EML6: variants seen among roughly 807,000 people sequenced by gnomAD.
The protein encoded by EML6 is echinoderm microtubule-associated protein-like 6.
EML6 carries 154 observed loss-of-function variants against 240.1 expected under a neutral mutation model. The ratio of observed to expected loss-of-function variants is 0.64; its 90% CI spans 0.56 to 0.73. The LOEUF (loss-of-function observed/expected upper bound fraction) is 0.73, where lower values mean the gene tolerates loss of function less well. EML6 is among the 30% of genes least tolerant of loss of function. EML6 has a pLI of 0.00. For missense variants in EML6, 2,964 were observed against 2,474.6 expected, an observed-to-expected ratio of 1.20 and a Z score of -4.20; for synonymous variants, 1,148 against 899.0, an observed-to-expected ratio of 1.28 and a Z score of -4.95.
intron 7 of EML6, among the ~76,000 whole-genome samples, 172 bp from the exon 8 acceptor site, chr2:54,843,875 G>A (rs1669602119): frequency 6.7e-6 from 1 of 149,522 alleles, no homozygotes; most frequent in Admixed American, 6.7e-5. Flanking sequence ...CACAAAGAAT[G>A]GTGGCAGAGT....
At chr2:54,969,817 C>A (rs890389348) in intron 41 of EML6, among the ~76,000 whole-genome samples, 5 of 152,120 alleles carry the variant, frequency 3.3e-5, no homozygotes, top group African/African-American at 1.2e-4. Flanking sequence ...CAGAAGTCCT[C>A]ACGGACCAAC....
rs184695026 is a variant in EML6, at chr2:54,802,331, A to G, written c.198-10901A>G. Among the ~76,000 whole-genome samples, 213 of 152,264 alleles carry G rather than the reference A, an allele frequency of 1.4e-3. 2 individuals carry two copies. Among genetic ancestry groups the G allele is most frequent in the African/African-American group, 5.1e-3 (211 of 41,556 alleles). On this transcript the variant is annotated intron_variant, in intron 2 of 41. Coordinates refer to ENST00000356458, the MANE Select transcript of EML6 (RefSeq NM_001039753.4). ...AGAGTTTGAATTTTTTTAACTTGGT[A>G]ATAATTTTAGTAGGCAGGGTGCAGT...
At chr2:54,865,207 G>C (rs1440098161) in intron 13 of EML6, among the ~76,000 whole-genome samples, 2 of 151,886 alleles carry the variant, frequency 1.3e-5, no homozygotes, top group East Asian at 3.9e-4. Context: ...AATGAAAAGG[G>C]ACCAGGCACA....
At chr2:54,794,972 C>T (rs985119569) in intron 2 of EML6, among the ~76,000 whole-genome samples, 1 of 152,274 alleles carries the variant, frequency 6.6e-6, no homozygotes, top group Non-Finnish European at 1.5e-5. Context: ...CACACTAGGT[C>T]CCACCGACCC....
At position 54,948,794 on chromosome 2, in the gene EML6, C is replaced by T. The variant is rs563814823; in HGVS notation, c.4005-88C>T. On this transcript the variant is annotated intron_variant, in intron 28 of 41. Coordinates refer to ENST00000356458, the MANE Select transcript of EML6 (RefSeq NM_001039753.4). ...TTTGAGGCGGGAGGAGAGAGGAGGC[C>T]GGCACTGGCCTAGACAGGCCACACC... 65 of 985,512 alleles carry T rather than the reference C, an allele frequency of 6.6e-5. No homozygotes were observed. In the Admixed American group the frequency reaches 9.6e-4, roughly 15 times the overall value. The allele number at this position is 985,512 out of a possible 1,614,324, so 61.0% of individuals were successfully genotyped here. A position where few individuals can be genotyped will look rare whatever the true frequency, so the allele number is the denominator to read the frequency against.
At chr2:54,806,718 C>A (rs1670513370) in intron 2 of EML6, among the ~76,000 whole-genome samples, 1 of 149,342 alleles carries the variant, frequency 6.7e-6, no homozygotes, top group Non-Finnish European at 1.5e-5. Flanking sequence ...ATAACAATAC[C>A]ACCTATATAG....
intron 8 of EML6, among the ~76,000 whole-genome samples, chr2:54,844,857 C>A (rs1669664764): frequency 6.6e-6 from 1 of 152,112 alleles, no homozygotes; most frequent in Admixed American, 6.5e-5. Context: ...ACTTATGATT[C>A]CAGTATTTTT....
In EML6 at chr2:54,850,230, G is replaced by A; in HGVS notation, c.1444+12G>A. The A allele has an allele frequency of 6.5e-7, 1 of 1,548,460 alleles. No individual in the cohort carries two copies. Among genetic ancestry groups the A allele is most frequent in the Non-Finnish European group, 8.7e-7 (1 of 1,144,408 alleles). On this transcript the variant is annotated intron_variant, in intron 10 of 41. Coordinates refer to ENST00000356458, the MANE Select transcript of EML6 (RefSeq NM_001039753.4). ...CTACAGAATGCCATGTAAGTCATGTGGAGGCCTTGGATGTTTCTGGAAAGC... is the reference window on the plus strand; with the variant it reads ...CTACAGAATGCCATGTAAGTCATGTAGAGGCCTTGGATGTTTCTGGAAAGC...
Position 54,786,659 on chromosome 2 carries a change from T to C in EML6, c.198-26573T>C, listed in dbSNP as rs114994959. Among the ~76,000 whole-genome samples, 751 of 152,310 alleles carry C rather than the reference T, an allele frequency of 4.9e-3. 5 individuals carry two copies. Among genetic ancestry groups the C allele is most frequent in the African/African-American group, 0.017 (702 of 41,566 alleles). On this transcript the variant is annotated intron_variant, in intron 2 of 41. Coordinates refer to ENST00000356458, the MANE Select transcript of EML6 (RefSeq NM_001039753.4). ...TATACTGAGTTTCTGGCAAATATTATAGGACTCCATTGAGTCCAGATTTCA... is the reference window on the plus strand; with the variant it reads ...TATACTGAGTTTCTGGCAAATATTACAGGACTCCATTGAGTCCAGATTTCA...
intron 25 of EML6, among the ~76,000 whole-genome samples, chr2:54,916,504 T>TATC (rs10633469): frequency 0.37 from 55,785 of 151,916 alleles, 10,499 homozygotes; most frequent in Middle Eastern, 0.46. Flanking sequence ...ACCTTATTAT[T>TATC]ATCAAATTTC....
intron 2 of EML6, among the ~76,000 whole-genome samples, chr2:54,810,238 G>C (rs1318590219): frequency 6.6e-6 from 1 of 152,166 alleles, no homozygotes; most frequent in Non-Finnish European, 1.5e-5. Flanking sequence ...GAACTTTTTA[G>C]TAAATGTGGT....
chr2:54,754,067 G>A (rs1027077173), intron 2 of EML6, among the ~76,000 whole-genome samples: 2 of 151,732 alleles, frequency 1.3e-5, no homozygotes, highest in Middle Eastern at 3.4e-3. Flanking sequence ...CCCAGGAGGC[G>A]GAGGTTGCAG....
intron 28 of EML6, among the ~76,000 whole-genome samples, chr2:54,934,794 C>G (rs1250273239): frequency 3.3e-5 from 5 of 152,168 alleles, no homozygotes; most frequent in Admixed American, 6.5e-5. Flanking sequence ...CTCAAGCGGT[C>G]TTACACCTTG....
chr2:54,897,138 G>A (rs1672813996), intron 21 of EML6, among the ~76,000 whole-genome samples: 1 of 151,900 alleles, frequency 6.6e-6, no homozygotes, highest in African/African-American at 2.4e-5. Flanking sequence ...TTGTTTCCAT[G>A]TATGCTATAT....
At chr2:54,735,100 T>C (rs981527763) in intron 2 of EML6, among the ~76,000 whole-genome samples, 1 of 152,220 alleles carries the variant, frequency 6.6e-6, no homozygotes, top group African/African-American at 2.4e-5. Context: ...TCTCCACTTA[T>C]GCAGTCCTTC....
intron 26 of EML6, among the ~76,000 whole-genome samples, chr2:54,918,828 AAACC>A (rs1316126898): frequency 6.6e-6 from 1 of 152,192 alleles, no homozygotes; most frequent in African/African-American, 2.4e-5. Flanking sequence ...TCCTTCTAAT[AAACC>A]AACCAATAAA....
intron 2 of EML6, among the ~76,000 whole-genome samples, chr2:54,791,520 G>T (rs1467620680): frequency 6.6e-6 from 1 of 152,202 alleles, no homozygotes; most frequent in Non-Finnish European, 1.5e-5. Flanking sequence ...CCCTGAAGTT[G>T]ATCAGTTTGT....
intron 13 of EML6, among the ~76,000 whole-genome samples, chr2:54,864,636 A>T (rs1469662239): frequency 6.6e-6 from 1 of 152,238 alleles, no homozygotes; most frequent in South Asian, 2.1e-4. Flanking sequence ...AATTTCAGAT[A>T]CATGAACTGT....
At chr2:54,894,187 C>T (rs775005646) in intron 19 of EML6, among the ~76,000 whole-genome samples, 3 of 142,550 alleles carry the variant, frequency 2.1e-5, no homozygotes, top group South Asian at 2.2e-4. Context: ...CAGTGAATTA[C>T]TCAGCTTTTT....
Sources: allele counts gnomAD v4.1 joint callset (sites outside exome capture counted in the v4.1 genomes callset), GRCh38; gene constraint gnomAD v4.1.1; transcripts MANE v1.5; gene names NCBI Gene and HGNC (gene_info 2026-07-23, HGNC 2026-07-21).